SERPINB12: variants seen among roughly 807,000 people sequenced by gnomAD.
SERPINB12 encodes the protein serpin B12.
In SERPINB12, 57 loss-of-function variants were observed where a neutral mutation model predicts 41.1. The ratio of observed to expected loss-of-function variants is 1.39; its 90% CI spans 1.12 to 1.73. The LOEUF is 1.73. SERPINB12 is among the 40% of genes most tolerant of loss of function. The pLI is 0.00. For synonymous variants in SERPINB12, 180 were observed against 181.3 expected (o/e 0.99, Z 0.06); for missense variants, 536 against 501.9 (o/e 1.07, Z -0.65).
At chr18:63,543,990 G>A (rs560807398) in intron 1 of SERPINB12, among the ~76,000 whole-genome samples, 2 of 152,228 alleles carry the variant, frequency 1.3e-5, no homozygotes, top group African/African-American at 4.8e-5. Context: ...TGTAAATAGA[G>A]GTTATATATC....
chr18:63,557,483 G>A (rs1308708637), intron 2 of SERPINB12, among the ~76,000 whole-genome samples: 1 of 152,148 alleles, frequency 6.6e-6, no homozygotes, highest in Non-Finnish European at 1.5e-5. Flanking sequence ...ATAGTGCGGG[G>A]GTTATGCACA....
chr18:63,554,947 G>T (rs766116458), intron 1 of SERPINB12, among the ~76,000 whole-genome samples: 1 of 152,072 alleles, frequency 6.6e-6, no homozygotes, highest in Non-Finnish European at 1.5e-5. Flanking sequence ...TAAGTGTTTG[G>T]CAGTTCCTCC....
chr18:63,559,330 T>C (rs1910819371), intron 3 of SERPINB12, among the ~76,000 whole-genome samples: 1 of 151,728 alleles, frequency 6.6e-6, no homozygotes, highest in Non-Finnish European at 1.5e-5. Context: ...CGTTGCTGAG[T>C]TCCCCAGATG....
chr18:63,562,399 C>A (rs1275997737), intron 5 of SERPINB12, among the ~76,000 whole-genome samples: 1 of 152,142 alleles, frequency 6.6e-6, no homozygotes, highest in African/African-American at 2.4e-5. Flanking sequence ...ATGTCTCCTG[C>A]CTTCAGAGTG....
rs758829821 is a variant in SERPINB12, at chr18:63,558,399, C to T, written c.216C>T (p.Asp72=). The part of the protein sequence containing the change: ...EFSQNESKEP[D]PCLKSNKQKV... ...CCCAGAATGAAAGCAAAGAACCTGA[C>T]CCTTGTCTGAAAAGCAACAAACAAA... Residue 72 remains aspartate, a synonymous_variant, in exon 3 of 8, where the codon GAC becomes GAT. Transcript: ENST00000382768. 1.9e-6 allele frequency: 3 copies of T among 1,613,888 alleles called. No homozygotes were observed. Among genetic ancestry groups the T allele is most frequent in the South Asian group, 1.1e-5 (1 of 91,040 alleles).
intron 5 of SERPINB12, among the ~76,000 whole-genome samples, chr18:63,561,666 A>G (rs986065651): frequency 3.3e-5 from 5 of 152,246 alleles, no homozygotes; most frequent in African/African-American, 1.2e-4. Flanking sequence ...TGGGTTGGAT[A>G]AAGAAAATGT....
intron 2 of SERPINB12, among the ~76,000 whole-genome samples, chr18:63,556,941 T>C (rs546618630): frequency 1.2e-4 from 18 of 152,248 alleles, no homozygotes; most frequent in Non-Finnish European, 2.4e-4. Flanking sequence ...TCACTGGCAA[T>C]CTATCCTTTG....
the SERPINB12 span, among the ~76,000 whole-genome samples, chr18:63,536,042 A>G: frequency 1.3e-5 from 2 of 152,028 alleles, no homozygotes; most frequent in African/African-American, 2.4e-5. Context: ...TTGTATATAT[A>G]GAGAGAATTG....
At chr18:63,540,903 A>T (rs1910258327), upstream of SERPINB12, among the ~76,000 whole-genome samples, 2 of 152,196 alleles carry the variant, frequency 1.3e-5, no homozygotes, top group East Asian at 3.8e-4. Context: ...AAGGACACAA[A>T]ATTACAAATT....
chr18:63,547,006 C>G (rs1475330262), intron 1 of SERPINB12, among the ~76,000 whole-genome samples: 1 of 152,126 alleles, frequency 6.6e-6, no homozygotes, highest in East Asian at 1.9e-4. Context: ...ATTGGAAAAC[C>G]ATTTTAAAGG....
chr18:63,561,058 T>C (rs1599424942), intron 4 of SERPINB12, 27 bp from the exon 5 acceptor site: 2 of 1,447,854 alleles, frequency 1.4e-6, no homozygotes, highest in East Asian at 2.3e-5. Context: ...TTTATTGCAT[T>C]ATTTCCCTTT....
chr18:63,556,389 C>A, intron 2 of SERPINB12, 62 bp downstream of exon 2: 1 of 1,510,298 alleles, frequency 6.6e-7, no homozygotes, highest in Non-Finnish European at 9.0e-7. Context: ...CAAAGTCAGA[C>A]CCTAATCCCA....
At position 63,555,623 on chromosome 18, in the gene SERPINB12, A is replaced by G. The variant is rs1910647432; in HGVS notation, c.-18-519A>G. Among the ~76,000 whole-genome samples, 8 of 152,324 alleles carry G rather than the reference A, an allele frequency of 5.3e-5. No homozygotes were observed. In the South Asian group the frequency reaches 1.7e-3, roughly 32 times the overall value. The stretch of plus-strand genomic sequence containing the variant: ...ACTGGCTTAGGATGGGCTCTAATTC[A>G]GTGACTGCTGTCTTTAAAAGAAGAG... On this transcript the variant is annotated intron_variant, in intron 1 of 7. Transcript: ENST00000382768.
At chr18:63,537,912 G>A (rs1301591698), upstream of SERPINB12, among the ~76,000 whole-genome samples, 1 of 152,140 alleles carries the variant, frequency 6.6e-6, no homozygotes, top group Non-Finnish European at 1.5e-5. Flanking sequence ...GAACAGGTAT[G>A]AGACTGTGGT....
At chr18:63,551,234 A>G (rs1318455865) in intron 1 of SERPINB12, among the ~76,000 whole-genome samples, 1 of 152,004 alleles carries the variant, frequency 6.6e-6, no homozygotes, top group Non-Finnish European at 1.5e-5. Context: ...ACGCCACTGC[A>G]CTCCAACCTG....
At chr18:63,530,583 C>G in the SERPINB12 span, among the ~76,000 whole-genome samples, 1 of 152,198 alleles carries the variant, frequency 6.6e-6, no homozygotes, top group African/African-American at 2.4e-5. Context: ...AGGTGGCTGT[C>G]CCACTGCTGC....
chr18:63,539,373 A>G (rs1022009616), upstream of SERPINB12, among the ~76,000 whole-genome samples: 1 of 152,164 alleles, frequency 6.6e-6, no homozygotes, highest in Non-Finnish European at 1.5e-5. Flanking sequence ...CAAAATGCAC[A>G]AAATTTCCAT....
At chr18:63,529,103 C>T in the SERPINB12 span, among the ~76,000 whole-genome samples, 1 of 152,136 alleles carries the variant, frequency 6.6e-6, no homozygotes, top group Non-Finnish European at 1.5e-5. Flanking sequence ...AAATAACAAA[C>T]AGAGAGGAAA....
the SERPINB12 span, among the ~76,000 whole-genome samples, chr18:63,521,060 A>G: frequency 6.6e-6 from 1 of 152,308 alleles, no homozygotes; most frequent in East Asian, 1.9e-4. Context: ...CATCAGTCCA[A>G]TGTTAAACAG....
Sources: allele counts gnomAD v4.1 joint callset (sites outside exome capture counted in the v4.1 genomes callset), GRCh38; gene constraint gnomAD v4.1.1; transcripts MANE v1.5; gene names NCBI Gene and HGNC (gene_info 2026-07-23, HGNC 2026-07-21).